LRMDA: variants seen among roughly 807,000 people sequenced by gnomAD.
LRMDA encodes the protein leucine-rich melanocyte differentiation-associated protein.
LRMDA carries 18 observed loss-of-function variants against 29.8 expected under a neutral mutation model. The observed-to-expected ratio is 0.60, with a 90% confidence interval of 0.42 to 0.90. The LOEUF is 0.90. Among genes scored for constraint, LRMDA ranks in the 40% least tolerant of loss-of-function variants. The pLI, the probability that LRMDA is intolerant of heterozygous loss-of-function variation, is 0.00. For synonymous variants in LRMDA, 125 were observed against 109.4 expected, an observed-to-expected ratio of 1.14 and a Z score of -0.89; for missense variants, 273 against 273.9, an observed-to-expected ratio of 1.00 and a Z score of 0.02.
intron 5 of LRMDA, among the ~76,000 whole-genome samples, chr10:76,273,541 A>G (rs1027622784): frequency 9.9e-5 from 15 of 152,190 alleles, no homozygotes; most frequent in African/African-American, 3.6e-4. Context: ...TAAGTTTCCT[A>G]AACTTTGCCA....
At position 76,396,314 on chromosome 10, in the gene LRMDA, T is replaced by C. The variant is rs192004695; in HGVS notation, c.601+71829T>C. Reference sequence around the variant, plus strand: ...CCAAATATTCAACAGTAGGTTGACATGTGGAAAGTGGCCTAGCCAAAGGAT... The same window carrying C: ...CCAAATATTCAACAGTAGGTTGACACGTGGAAAGTGGCCTAGCCAAAGGAT... On this transcript the variant is annotated intron_variant, in intron 6 of 6. Transcript: ENST00000611255. Among the ~76,000 whole-genome samples, 136 of 152,332 alleles carry C rather than the reference T, an allele frequency of 8.9e-4. 1 individual carries two copies. The highest frequency in any genetic ancestry group is 3.2e-3 in the African/African-American group (132 of 41,578).
intron 2 of LRMDA, among the ~76,000 whole-genome samples, chr10:76,026,629 C>G (rs953734770): frequency 1.3e-5 from 2 of 152,162 alleles, no homozygotes; most frequent in African/African-American, 4.8e-5. Context: ...ATTAAAGAAG[C>G]CTTGCACAGT....
At chr10:75,715,844 A>T (rs370687765) in intron 2 of LRMDA, among the ~76,000 whole-genome samples, 18 of 138,710 alleles carry the variant, frequency 1.3e-4, no homozygotes, top group African/African-American at 3.8e-4. Flanking sequence ...CCCTTCTTGA[A>T]TTATAAGCAC....
chr10:76,016,162 T>A (rs767436550), intron 2 of LRMDA, among the ~76,000 whole-genome samples: 3 of 152,322 alleles, frequency 2.0e-5, no homozygotes, highest in Middle Eastern at 3.4e-3. Flanking sequence ...ATACTTCAGA[T>A]AAAAGCAACT....
At chr10:76,325,149 G>T (rs750629821) in intron 6 of LRMDA, among the ~76,000 whole-genome samples, 1 of 152,154 alleles carries the variant, frequency 6.6e-6, no homozygotes, top group Admixed American at 6.5e-5. Flanking sequence ...ACTTGTACAC[G>T]TAAAGGTGAA....
At chr10:76,483,775 A>T (rs1032072822) in intron 6 of LRMDA, among the ~76,000 whole-genome samples, 1 of 150,924 alleles carries the variant, frequency 6.6e-6, no homozygotes, top group African/African-American at 2.4e-5. Flanking sequence ...GCATTGCTTT[A>T]TTTTCCATAT....
At chr10:75,750,252 G>A (rs891059174) in intron 2 of LRMDA, among the ~76,000 whole-genome samples, 1 of 150,758 alleles carries the variant, frequency 6.6e-6, no homozygotes, top group African/African-American at 2.4e-5. Context: ...TGCCGGGCGG[G>A]GGCTGCCCAC....
chr10:75,864,564 C>T (rs987762115), intron 2 of LRMDA, among the ~76,000 whole-genome samples: 7 of 152,134 alleles, frequency 4.6e-5, no homozygotes, highest in Non-Finnish European at 1.0e-4. Context: ...TTGTAATTTC[C>T]TTATTGTTTG....
intron 5 of LRMDA, among the ~76,000 whole-genome samples, chr10:76,126,622 C>G (rs896768903): frequency 1.3e-5 from 2 of 152,224 alleles, no homozygotes; most frequent in Non-Finnish European, 2.9e-5. Context: ...TTCTCCACTT[C>G]TGTACCCACA....
chr10:76,552,417 C>A (rs1843507531), intron 6 of LRMDA, among the ~76,000 whole-genome samples: 1 of 152,188 alleles, frequency 6.6e-6, no homozygotes, highest in Non-Finnish European at 1.5e-5. Context: ...CCCCTTCTAT[C>A]CAGGTTATAC....
At chr10:76,461,701 G>A (rs974617546) in intron 6 of LRMDA, among the ~76,000 whole-genome samples, 1 of 152,166 alleles carries the variant, frequency 6.6e-6, no homozygotes, top group Admixed American at 6.5e-5. Flanking sequence ...TCTGCCCTCT[G>A]AGAAGAGAAG....
intron 2 of LRMDA, among the ~76,000 whole-genome samples, chr10:75,795,010 T>G (rs1225065369): frequency 6.6e-6 from 1 of 152,076 alleles, no homozygotes; most frequent in Admixed American, 6.6e-5. Context: ...GGTTGTGAGA[T>G]ATTCTCTATT....
chr10:76,003,326 A>G (rs1847592524), intron 2 of LRMDA, among the ~76,000 whole-genome samples: 1 of 152,104 alleles, frequency 6.6e-6, no homozygotes, highest in Non-Finnish European at 1.5e-5. Flanking sequence ...TGACCGACTC[A>G]AGGCAAGCCT....
intron 6 of LRMDA, among the ~76,000 whole-genome samples, chr10:76,440,482 C>G (rs1311354207): frequency 6.6e-6 from 1 of 152,100 alleles, no homozygotes; most frequent in East Asian, 1.9e-4. Context: ...TCGCTGAGTT[C>G]AGTAGAACTG....
Position 75,981,982 on chromosome 10 carries a change from G to A in LRMDA, c.132-54026G>A, listed in dbSNP as rs552376844. Reference sequence around the variant, plus strand: ...AAAGTTTGGGAGTGTTGATTTGCCCGACATAAAATCATGTTGGTGAAGTTG... The same window carrying A: ...AAAGTTTGGGAGTGTTGATTTGCCCAACATAAAATCATGTTGGTGAAGTTG... On this transcript the variant is annotated intron_variant, in intron 2 of 6. Transcript: ENST00000611255. Among the ~76,000 whole-genome samples the A allele has an allele frequency of 4.6e-5, 7 of 152,186 alleles. No homozygotes were observed. In the South Asian group the frequency reaches 8.3e-4, roughly 18 times the overall value.
At chr10:76,293,125 C>T (rs2132350284) in intron 5 of LRMDA, among the ~76,000 whole-genome samples, 1 of 152,238 alleles carries the variant, frequency 6.6e-6, no homozygotes, top group East Asian at 1.9e-4. Context: ...GGACTACAGG[C>T]ATGTGCCACC....
chr10:75,533,485 G>C (rs905121484), intron 2 of LRMDA, among the ~76,000 whole-genome samples: 3 of 152,154 alleles, frequency 2.0e-5, no homozygotes, highest in African/African-American at 7.2e-5. Context: ...TTATAAATGA[G>C]TTTTTATGGG....
At chr10:75,438,366 C>T in intron 1 of LRMDA, 28 bp from the exon 2 acceptor site, 5 of 1,518,474 alleles carry the variant, frequency 3.3e-6, no homozygotes, top group Non-Finnish European at 4.5e-6. Context: ...CCATTTGCCA[C>T]ATTGTTTCTG....
chr10:75,948,673 G>T (rs1394790802), intron 2 of LRMDA, among the ~76,000 whole-genome samples: 2 of 152,086 alleles, frequency 1.3e-5, no homozygotes, highest in Non-Finnish European at 1.5e-5. Context: ...TACTGAATCT[G>T]CAACATTTAA....
Sources: allele counts gnomAD v4.1 joint callset (sites outside exome capture counted in the v4.1 genomes callset), GRCh38; gene constraint gnomAD v4.1.1; transcripts MANE v1.5; gene names NCBI Gene and HGNC (gene_info 2026-07-23, HGNC 2026-07-21).